Variants in RABGAP1L observed in about 807,000 individuals in gnomAD.
RABGAP1L encodes rab GTPase-activating protein 1-like.
RABGAP1L carries 63 observed loss-of-function variants against 137.7 expected under a neutral mutation model. That is an observed-to-expected ratio of 0.46 (90% CI 0.37 to 0.56). The LOEUF is 0.56. Among genes scored for constraint, RABGAP1L ranks in the 20% least tolerant of loss-of-function variants. The pLI is 0.00. For synonymous variants in RABGAP1L, 431 were observed against 433.7 expected, an observed-to-expected ratio of 0.99 and a Z score of 0.08; for missense variants, 1,095 against 1,244.0, an observed-to-expected ratio of 0.88 and a Z score of 1.80.
At chr1:174,573,885 T>A (rs1232780738) in intron 13 of RABGAP1L, among the ~76,000 whole-genome samples, 1 of 152,256 alleles carries the variant, frequency 6.6e-6, no homozygotes, top group Non-Finnish European at 1.5e-5. Context: ...TGAACAGTAC[T>A]TGAACTGAAA....
intron 13 of RABGAP1L, among the ~76,000 whole-genome samples, chr1:174,477,772 T>G (rs537228202): frequency 6.6e-6 from 1 of 152,310 alleles, no homozygotes; most frequent in Non-Finnish European, 1.5e-5. Context: ...TATTTTGTAT[T>G]TGACTCTATA....
chr1:174,924,385 C>CAAAAAAAAA (rs10688718), intron 19 of RABGAP1L, among the ~76,000 whole-genome samples: 5 of 70,122 alleles, frequency 7.1e-5, no homozygotes, highest in Admixed American at 1.9e-4. Flanking sequence ...GACTCTGTCT[C>CAAAAAAAAA]AAAAAAAAAA....
intron 19 of RABGAP1L, among the ~76,000 whole-genome samples, chr1:174,880,725 G>A (rs1294553375): frequency 6.6e-6 from 1 of 151,998 alleles, no homozygotes; most frequent in Non-Finnish European, 1.5e-5. Flanking sequence ...CTGAGTAGCT[G>A]GGACTACAAG....
At chr1:174,671,010 C>T (rs979978093) in intron 14 of RABGAP1L, among the ~76,000 whole-genome samples, 6 of 152,154 alleles carry the variant, frequency 3.9e-5, no homozygotes, top group African/African-American at 1.4e-4. Context: ...TTCCCACCAA[C>T]AGTGTATAAA....
intron 19 of RABGAP1L, among the ~76,000 whole-genome samples, chr1:174,930,878 A>T (rs1663680941): frequency 6.6e-6 from 1 of 152,250 alleles, no homozygotes; most frequent in East Asian, 1.9e-4. Flanking sequence ...ACTGAAATTA[A>T]TATTCTAATA....
At chr1:174,940,754 A>G (rs1294574111) in intron 19 of RABGAP1L, among the ~76,000 whole-genome samples, 1 of 152,220 alleles carries the variant, frequency 6.6e-6, no homozygotes, top group Non-Finnish European at 1.5e-5. Flanking sequence ...TCTGCCTCAT[A>G]AGCCTGGCTA....
intron 13 of RABGAP1L, chr1:174,547,766 G>T: frequency 7.9e-7 from 1 of 1,264,982 alleles, no homozygotes; most frequent in South Asian, 1.4e-5. Flanking sequence ...TATTTAAATT[G>T]ACGTTAGATG....
intron 18 of RABGAP1L, among the ~76,000 whole-genome samples, chr1:174,773,354 G>A (rs975425215): frequency 4.6e-5 from 7 of 152,072 alleles, no homozygotes; most frequent in African/African-American, 9.7e-5. Flanking sequence ...AGTGAGACCC[G>A]TTATCTAAAA....
chr1:174,394,441 CT>C (rs1189752731), intron 13 of RABGAP1L, among the ~76,000 whole-genome samples: 1 of 151,956 alleles, frequency 6.6e-6, no homozygotes, highest in African/African-American at 2.4e-5. Context: ...TTCAATTAAC[CT>C]TTTTTAATTG....
In RABGAP1L at chr1:174,926,089, C is replaced by T. The variant is rs564011226; in HGVS notation, c.2341-31368C>T. ...ACATTTATTAAATAACTTATCTTTT[C>T]CCCACCTATTTGTAATAATACTGCC... On this transcript the variant is annotated intron_variant, in intron 19 of 25. Transcript: ENST00000681986. 7.6e-4 allele frequency among the ~76,000 whole-genome samples: 115 copies of T among 151,816 alleles called. 3 individuals are homozygous for T. The South Asian group carries it at 0.012, about 15-fold the overall frequency.
chr1:174,514,545 C>T (rs894919826), intron 13 of RABGAP1L, among the ~76,000 whole-genome samples: 5 of 152,178 alleles, frequency 3.3e-5, no homozygotes, highest in Non-Finnish European at 7.3e-5. Context: ...AAACGTTGCA[C>T]TGCCATTTAC....
chr1:174,739,086 G>A (rs1389502162), intron 17 of RABGAP1L, among the ~76,000 whole-genome samples: 2 of 152,010 alleles, frequency 1.3e-5, no homozygotes, highest in Admixed American at 6.6e-5. Flanking sequence ...GTGAGGACAG[G>A]GTTACTTGGG....
chr1:174,509,597 T>C (rs1662148992), intron 13 of RABGAP1L, among the ~76,000 whole-genome samples: 1 of 152,160 alleles, frequency 6.6e-6, no homozygotes, highest in South Asian at 2.1e-4. Context: ...CTGTAATCCA[T>C]GCCTTGGTAA....
intron 19 of RABGAP1L, among the ~76,000 whole-genome samples, chr1:174,920,169 A>AT (rs1661561192): frequency 1.3e-5 from 2 of 152,210 alleles, no homozygotes; most frequent in African/African-American, 4.8e-5. Flanking sequence ...GTATTAGTCC[A>AT]TTTTCACATG....
intron 7 of RABGAP1L, among the ~76,000 whole-genome samples, chr1:174,252,945 T>C (rs1266673030): frequency 6.6e-6 from 1 of 152,208 alleles, no homozygotes; most frequent in East Asian, 1.9e-4. Context: ...CTTTAAAAGA[T>C]AGATACATAT....
chr1:174,897,266 G>A (rs1310032016), intron 19 of RABGAP1L: 9 of 152,158 alleles, frequency 5.9e-5, no homozygotes, highest in African/African-American at 2.2e-4. Context: ...AAGAATGCTT[G>A]TGATTTTTGC....
At chr1:174,712,717 A>G (rs563047975) in intron 17 of RABGAP1L, among the ~76,000 whole-genome samples, 1 of 152,308 alleles carries the variant, frequency 6.6e-6, no homozygotes, top group Admixed American at 6.5e-5. Context: ...CCCGTTCTTA[A>G]ATGGATATAT....
chr1:174,349,033 G>T (rs1477839356), intron 11 of RABGAP1L, among the ~76,000 whole-genome samples: 3 of 143,494 alleles, frequency 2.1e-5, no homozygotes, highest in Non-Finnish European at 4.6e-5. Flanking sequence ...CGGACAGGGC[G>T]GCTGGCCGGG....
chr1:174,600,521 G>A (rs1477081259), intron 13 of RABGAP1L, among the ~76,000 whole-genome samples: 1 of 152,184 alleles, frequency 6.6e-6, no homozygotes, highest in Non-Finnish European at 1.5e-5. Flanking sequence ...TGGGGTACAG[G>A]TATTAGGTAA....
Sources: allele counts gnomAD v4.1 joint callset (sites outside exome capture counted in the v4.1 genomes callset), GRCh38; gene constraint gnomAD v4.1.1; transcripts MANE v1.5; gene names NCBI Gene and HGNC (gene_info 2026-07-23, HGNC 2026-07-21).